KCNH1: variants seen among roughly 807,000 people sequenced by gnomAD.
KCNH1 encodes the protein potassium voltage-gated channel subfamily H member 1, also known as voltage-gated delayed rectifier potassium channel KCNH1.
A neutral mutation model predicts 69.2 loss-of-function variants in KCNH1; 27 were observed. The ratio of observed to expected loss-of-function variants is 0.39; its 90% CI spans 0.29 to 0.54. KCNH1 has a LOEUF of 0.54. Among genes scored for constraint, KCNH1 ranks in the 20% least tolerant of loss-of-function variants. The pLI, the probability that KCNH1 is intolerant of heterozygous loss-of-function variation, is 0.68. For synonymous variants in KCNH1, 456 were observed against 487.7 expected (o/e 0.93, Z 0.86); for missense variants, 798 against 1,261.6 (o/e 0.63, Z 5.57).
At chr1:210,708,206 C>T (rs1004606863) in intron 10 of KCNH1, among the ~76,000 whole-genome samples, 1 of 149,892 alleles carries the variant, frequency 6.7e-6, no homozygotes, top group Non-Finnish European at 1.5e-5. Context: ...CTCTGGATGG[C>T]TCTTCCCTTC....
At chr1:210,884,401 C>G (rs529405831) in intron 7 of KCNH1, among the ~76,000 whole-genome samples, 2 of 152,178 alleles carry the variant, frequency 1.3e-5, no homozygotes, top group African/African-American at 2.4e-5. Context: ...TCTTAGTGAG[C>G]CTGTGAGAAT....
chr1:210,815,128 G>A lies in KCNH1; in HGVS notation c.1463-10962C>T, dbSNP rs564166858. Among the ~76,000 whole-genome samples, 5 of 152,246 alleles carry A rather than the reference G, an allele frequency of 3.3e-5. No homozygotes were observed. The East Asian group carries it at 7.7e-4, about 24-fold the overall frequency. On this transcript the variant is annotated intron_variant, in intron 7 of 10. Transcript: ENST00000271751. ...TTCTCAGGCCTACCCCAGACCTACT[G>A]GATCAGAATCTCTGGGGGTGAGACC...
intron 4 of KCNH1, 103 bp downstream of exon 4, chr1:211,090,459 G>T: frequency 1.0e-6 from 1 of 1,001,598 alleles, no homozygotes. Context: ...GAATCTTGAG[G>T]TTTGTAAAGT....
chr1:210,996,858 T>C (rs1000849916), intron 6 of KCNH1, among the ~76,000 whole-genome samples: 2 of 152,180 alleles, frequency 1.3e-5, no homozygotes, highest in African/African-American at 4.8e-5. Flanking sequence ...ACCGCTGTTC[T>C]ACAGCCACCG....
At chr1:211,102,574 C>T (rs187685291) in intron 3 of KCNH1, among the ~76,000 whole-genome samples, 1 of 152,260 alleles carries the variant, frequency 6.6e-6, no homozygotes, top group East Asian at 1.9e-4. Flanking sequence ...CGGCACAGAC[C>T]ACCAAGCGAA....
At chr1:210,854,306 TA>T (rs2102471110) in intron 7 of KCNH1, among the ~76,000 whole-genome samples, 1 of 152,300 alleles carries the variant, frequency 6.6e-6, no homozygotes, top group African/African-American at 2.4e-5. Context: ...CCTCAATGTA[TA>T]AATGAGGAAA....
rs768328890 is a variant in KCNH1 at position 210,683,920 on chromosome 1, G to C, written c.2331C>G (p.Ser777=). ...TGGCCTTCACGAGGCTGTGGTTGGC[G>C]GAGGCATGCTCTGTAAGGACATTGC... The part of the protein sequence containing the change: ...EKGNVLTEHA[S]ANHSLVKASV... The change falls in exon 11 of 11, where the codon TCC becomes TCG. Residue 777 remains serine, a synonymous_variant. Coordinates refer to ENST00000271751, the MANE Select transcript of KCNH1 (RefSeq NM_172362.3). This position sits in a 1 kb window ranked among gnomAD's most constrained non-coding sequence, Gnocchi z 5.7. 1 of 1,612,746 alleles carries C rather than the reference G, an allele frequency of 6.2e-7. No homozygotes were observed. Among genetic ancestry groups the C allele is most frequent in the Admixed American group, 1.7e-5 (1 of 59,986 alleles).
intron 7 of KCNH1, among the ~76,000 whole-genome samples, chr1:210,867,703 A>G (rs922517996): frequency 1.3e-5 from 2 of 152,018 alleles, no homozygotes; most frequent in Admixed American, 6.6e-5. Flanking sequence ...GCAACAATTG[A>G]TCTACTTTAT....
At chr1:211,019,356 G>C in intron 5 of KCNH1, 100 bp from the exon 6 acceptor site, 1 of 721,126 alleles carries the variant, frequency 1.4e-6, no homozygotes, top group Non-Finnish European at 2.3e-6. Flanking sequence ...ACAATACTCT[G>C]GATAAATCGT....
At chr1:210,693,884 ATGT>A (rs1295561038) in intron 10 of KCNH1, among the ~76,000 whole-genome samples, 1 of 152,130 alleles carries the variant, frequency 6.6e-6, no homozygotes, top group Non-Finnish European at 1.5e-5. Context: ...TTGGCCCCTA[ATGT>A]TGTCCCCCAT....
At chr1:210,932,915 G>C in intron 6 of KCNH1, among the ~76,000 whole-genome samples, 1 of 152,160 alleles carries the variant, frequency 6.6e-6, no homozygotes, top group South Asian at 2.1e-4. Context: ...ACTAGTTGGT[G>C]ACTCCAACAT....
intron 7 of KCNH1, among the ~76,000 whole-genome samples, chr1:210,835,027 A>T (rs1386720345): frequency 2.0e-5 from 3 of 152,176 alleles, no homozygotes; most frequent in African/African-American, 7.2e-5. Context: ...CGAGTCATAA[A>T]GCCTTCTGAA....
chr1:210,716,627 T>A (rs1682258206), intron 10 of KCNH1, among the ~76,000 whole-genome samples: 1 of 152,166 alleles, frequency 6.6e-6, no homozygotes, highest in Non-Finnish European at 1.5e-5. Context: ...TTTAACTTCC[T>A]CCAGACATGT....
chr1:210,684,636 C>T (rs1221148226), intron 10 of KCNH1, among the ~76,000 whole-genome samples: 1 of 152,176 alleles, frequency 6.6e-6, no homozygotes, highest in African/African-American at 2.4e-5. Context: ...GCAAGAAAGT[C>T]CCCAGGCAAG....
At chr1:210,730,436 C>G (rs116288037) in intron 10 of KCNH1, among the ~76,000 whole-genome samples, 2 of 152,238 alleles carry the variant, frequency 1.3e-5, no homozygotes, top group African/African-American at 4.8e-5. Flanking sequence ...CACCATTCAC[C>G]AGATGACCTT....
At chr1:210,976,334 A>T (rs1688609444) in intron 6 of KCNH1, among the ~76,000 whole-genome samples, 3 of 148,750 alleles carry the variant, frequency 2.0e-5, no homozygotes, top group Non-Finnish European at 4.5e-5. Flanking sequence ...ACAATAGCAA[A>T]GACTTGGAAC....
intron 6 of KCNH1, among the ~76,000 whole-genome samples, chr1:211,018,529 T>C (rs1689533954): frequency 6.6e-6 from 1 of 152,232 alleles, no homozygotes; most frequent in Admixed American, 6.5e-5. Flanking sequence ...CCACCATTCC[T>C]GAACCAGTGG....
chr1:211,103,860 T>C (rs1691307050), intron 2 of KCNH1, among the ~76,000 whole-genome samples: 2 of 152,186 alleles, frequency 1.3e-5, no homozygotes, highest in African/African-American at 2.4e-5. Flanking sequence ...TAGAGAACAG[T>C]GTGATCACTG....
At chr1:210,711,470 T>G (rs1682073607) in intron 10 of KCNH1, among the ~76,000 whole-genome samples, 1 of 152,166 alleles carries the variant, frequency 6.6e-6, no homozygotes, top group African/African-American at 2.4e-5. Flanking sequence ...TAGGACCTTC[T>G]CATGCTCCTC....
Sources: allele counts gnomAD v4.1 joint callset (sites outside exome capture counted in the v4.1 genomes callset), GRCh38; gene constraint gnomAD v4.1.1; non-coding constraint Gnocchi (gnomAD v3.1); transcripts MANE v1.5; gene names NCBI Gene and HGNC (gene_info 2026-07-23, HGNC 2026-07-21).